Variants in HINFP observed in about 807,000 individuals in gnomAD.
HINFP encodes the protein MBD2 (methyl-CpG-binding protein)-interacting zinc finger protein.
In HINFP, 20 loss-of-function variants were observed where a neutral mutation model predicts 50.1. The observed-to-expected ratio is 0.40, with a 90% CI of 0.28 to 0.58. HINFP has a LOEUF of 0.58. Among genes scored for constraint, HINFP ranks in the 20% least tolerant of loss-of-function variants. The pLI, the probability that HINFP is intolerant of heterozygous loss-of-function variation, is 0.45. For synonymous variants in HINFP, 247 were observed against 243.7 expected (o/e 1.01, Z -0.13); for missense variants, 505 against 664.1 (o/e 0.76, Z 2.63).
chr11:119,129,479 A>ATTTTTCTTTTCTTT (rs1947624906), intron 2 of HINFP, among the ~76,000 whole-genome samples: 1 of 128,154 alleles, frequency 7.8e-6, no homozygotes, highest in African/African-American at 3.1e-5. Context: ...GCAGGAATAC[A>ATTTTTCTTTTCTTT]TTTTTCTTTT....
rs1388673279 is a variant in HINFP at position 119,131,118 on chromosome 11, T to G, written c.411+164T>G. The stretch of plus-strand genomic sequence containing the variant: ...TTGTTTATTTTTTACACACAGGCTC[T>G]TGATCTGAAGCCCAGGCTAGAGTGC... On this transcript the variant is annotated intron_variant, in intron 3 of 9. Transcript: ENST00000350777. This position sits in a 1 kb window ranked among gnomAD's most constrained non-coding sequence, Gnocchi z 4.2. The G allele has an allele frequency of 1.4e-6, 1 of 725,396 alleles. No individual in the cohort carries two copies. The highest frequency in any genetic ancestry group is 2.4e-6 in the Non-Finnish European group (1 of 408,272). The allele number at this position is 725,396 out of a possible 1,614,324, so 44.9% of individuals were successfully genotyped here.
intron 1 of HINFP, among the ~76,000 whole-genome samples, chr11:119,123,128 C>A (rs200132071): frequency 2.3e-4 from 18 of 76,812 alleles, no homozygotes; most frequent in Admixed American, 6.5e-4. Flanking sequence ...ACTCCATCTC[C>A]AAAAAAAAAA....
chr11:119,132,074 C>T, intron 5 of HINFP, 92 bp downstream of exon 5: 9 of 1,442,374 alleles, frequency 6.2e-6, no homozygotes, highest in South Asian at 4.9e-5. Flanking sequence ...ACTGAAGAGA[C>T]CTGCCTTTTG....
At chr11:119,122,609 G>C (rs914042316) in intron 1 of HINFP, among the ~76,000 whole-genome samples, 2 of 152,082 alleles carry the variant, frequency 1.3e-5, no homozygotes, top group Non-Finnish European at 2.9e-5. Context: ...GAGTACCTGG[G>C]GTGTGCAAAG....
intron 1 of HINFP, chr11:119,125,410 C>T (rs1372185415): frequency 6.6e-6 from 1 of 152,164 alleles, no homozygotes; most frequent in Non-Finnish European, 1.5e-5. Flanking sequence ...TGGCTCATGC[C>T]TGTAACTCCA....
chr11:119,128,701 T>TTTA (rs1427773004), intron 2 of HINFP, among the ~76,000 whole-genome samples: 1 of 151,732 alleles, frequency 6.6e-6, no homozygotes, highest in African/African-American at 2.4e-5. Context: ...ATTATTATTA[T>TTTA]TTATTATTAT....
At chr11:119,122,959 C>T (rs192282819) in intron 1 of HINFP, among the ~76,000 whole-genome samples, 337 of 151,950 alleles carry the variant, frequency 2.2e-3, no homozygotes, top group African/African-American at 7.8e-3. Context: ...CTCGTCTCTA[C>T]TAATACTACA....
rs1947976088 is a variant in HINFP at position 119,134,625 on chromosome 11, A to T, written c.*127A>T. The T allele has an allele frequency of 1.5e-6, 1 of 676,916 alleles. No homozygotes were observed. Among genetic ancestry groups the T allele is most frequent in the East Asian group, 2.8e-5 (1 of 35,988 alleles). 41.9% of individuals were successfully genotyped at this position (676,916 alleles called of 1,614,324 possible). A position where few individuals can be genotyped will look rare whatever the true frequency, so the allele number is the denominator to read the frequency against. On this transcript the variant is annotated 3_prime_UTR_variant, in exon 10 of 10. Coordinates refer to ENST00000350777, the MANE Select transcript of HINFP (RefSeq NM_198971.3). This position sits in a 1 kb window ranked among gnomAD's most constrained non-coding sequence, Gnocchi z 4.3. ...AGTGGTGCCGAGAGCAGTGTGGTCC[A>T]CTCTGGCCTGGGTTTGCATCATTCT...
At chr11:119,133,983 A>C in intron 9 of HINFP, 101 bp from the exon 10 acceptor site, 2 of 1,517,052 alleles carry the variant, frequency 1.3e-6, no homozygotes, top group Non-Finnish European at 1.8e-6. Context: ...GGATTCCAGG[A>C]CTTCTTCCAT....
At position 119,131,194 on chromosome 11, in the gene HINFP, T is replaced by G; in HGVS notation, c.411+240T>G. ...ACCTTGAACTCCTGGGCTCAAGCAA[T>G]CCTCCCACCTCAGCCTCCCAAGTAG... On this transcript the variant is annotated intron_variant, in intron 3 of 9. Transcript: ENST00000350777. This position sits in a 1 kb window ranked among gnomAD's most constrained non-coding sequence, Gnocchi z 4.2. 1.5e-6 allele frequency: 1 copy of G among 658,040 alleles called. No individual in the cohort carries two copies. Among genetic ancestry groups the G allele is most frequent in the South Asian group, 1.5e-5 (1 of 65,588 alleles). The allele number at this position is 658,040 out of a possible 1,614,324, so 40.8% of individuals were successfully genotyped here.
rs758004053 is a variant in HINFP at position 119,132,895 on chromosome 11, C to T, written c.907C>T (p.Leu303=). 1 of 1,614,232 alleles carries T rather than the reference C, an allele frequency of 6.2e-7. No homozygotes were observed. Among genetic ancestry groups the T allele is most frequent in the East Asian group, 2.2e-5 (1 of 44,880 alleles). ...GAATCTTATTGACCTCCAGAAGCACCTGGATACCCACAGCGAGGAGCCAGC... is the reference window on the plus strand; with the variant it reads ...GAATCTTATTGACCTCCAGAAGCACTTGGATACCCACAGCGAGGAGCCAGC... ...CKNLIDLQKH[L]DTHSEEPAYR... is the part of the protein sequence containing the mutation. Residue 303 remains leucine (L), a synonymous_variant, in exon 8 of 10, where the codon CTG becomes TTG. Coordinates refer to ENST00000350777, the MANE Select transcript of HINFP (RefSeq NM_198971.3).
At position 119,133,014 on chromosome 11, in the gene HINFP, T is replaced by G; in HGVS notation, c.1014+12T>G. 6.2e-7 allele frequency: 1 copy of G among 1,614,240 alleles called. No individual in the cohort carries two copies. The highest frequency in any genetic ancestry group is 8.5e-7 in the Non-Finnish European group (1 of 1,180,040). ...GCAAAGTACATGAAGTGAGTGGGGCTGGTGTTGGGAAGGACTAGTGGAAGT... is the reference window on the plus strand; with the variant it reads ...GCAAAGTACATGAAGTGAGTGGGGCGGGTGTTGGGAAGGACTAGTGGAAGT... On this transcript the variant is annotated intron_variant, in intron 8 of 9. Transcript: ENST00000350777.
intron 1 of HINFP, chr11:119,125,827 T>C (rs1256643645): frequency 6.6e-6 from 1 of 151,866 alleles, no homozygotes; most frequent in Non-Finnish European, 1.5e-5. Context: ...GAGTAAACCG[T>C]TGGATAGGTT....
At chr11:119,124,344 T>C (rs908842669) in intron 1 of HINFP, 4 of 152,246 alleles carry the variant, frequency 2.6e-5, no homozygotes, top group African/African-American at 7.2e-5. Context: ...GTAAAGGCCT[T>C]TTTTCAGAGT....
chr11:119,122,585 T>A (rs1947130463), intron 1 of HINFP, among the ~76,000 whole-genome samples: 1 of 152,156 alleles, frequency 6.6e-6, no homozygotes, highest in Non-Finnish European at 1.5e-5. Context: ...TGTGATTATC[T>A]CCTGATATTT....
chr11:119,124,948 G>C (rs1232631634), intron 1 of HINFP: 3 of 151,598 alleles, frequency 2.0e-5, no homozygotes, highest in Admixed American at 2.0e-4. Flanking sequence ...TTCCAGCCTG[G>C]GTAACAGCGA....
At chr11:119,122,170 G>A (rs1330149661) in intron 1 of HINFP, among the ~76,000 whole-genome samples, 1 of 152,170 alleles carries the variant, frequency 6.6e-6, no homozygotes. Context: ...AGAGGGTAGA[G>A]TGAAGATCAT....
Position 119,126,954 on chromosome 11 carries a change from C to T in HINFP, c.10C>T (p.Pro4Ser), listed in dbSNP as rs17850972. The T allele has an allele frequency of 6.2e-7, 1 of 1,613,018 alleles. No individual in the cohort carries two copies. Among genetic ancestry groups the T allele is most frequent in the South Asian group, 1.1e-5 (1 of 90,908 alleles). Residue 4 changes from proline (P) to serine (S), a missense_variant, in exon 2 of 10, where the codon CCT becomes TCT. Transcript: ENST00000350777. ...CTCTAGGGTGAAGGCCATGCCGCCT[C>T]CTGGGAAAGTTCCCCGAAAGGAGAA... MPP[P>S]GKVPRKENLW... is the part of the protein sequence containing the mutation.
chr11:119,129,040 A>C (rs1233683764), intron 2 of HINFP, among the ~76,000 whole-genome samples: 2 of 151,998 alleles, frequency 1.3e-5, no homozygotes, highest in African/African-American at 4.8e-5. Flanking sequence ...AAAGGAAAAA[A>C]AAAACTTTTT....
Sources: allele counts gnomAD v4.1 joint callset (sites outside exome capture counted in the v4.1 genomes callset), GRCh38; gene constraint gnomAD v4.1.1; non-coding constraint Gnocchi (gnomAD v3.1); transcripts MANE v1.5; gene names NCBI Gene and HGNC (gene_info 2026-07-23, HGNC 2026-07-21).